NDUFV2: variants seen among roughly 807,000 people sequenced by gnomAD.
NDUFV2 encodes NADH:ubiquinone oxidoreductase core subunit V2.
NDUFV2 carries 18 observed loss-of-function variants against 31.6 expected under a neutral mutation model. The observed-to-expected ratio is 0.57, with a 90% CI of 0.39 to 0.84. The LOEUF (loss-of-function observed/expected upper bound fraction) is 0.84. Ranked by LOEUF, NDUFV2 falls within the 40% of genes least tolerant of loss-of-function variation. NDUFV2 has a pLI of 0.00. For synonymous variants in NDUFV2, 83 were observed against 99.8 expected, an observed-to-expected ratio of 0.83 and a Z score of 1.01; for missense variants, 314 against 303.6, an observed-to-expected ratio of 1.03 and a Z score of -0.26.
At chr18:9,126,711 G>A (rs138342784) in intron 6 of NDUFV2, 120 bp from the exon 7 acceptor site, 379 of 840,580 alleles carry the variant, frequency 4.5e-4, no homozygotes, top group African/African-American at 2.2e-3. Flanking sequence ...GAGGTAGGAG[G>A]ATTGCTTAAG....
intron 6 of NDUFV2, among the ~76,000 whole-genome samples, 193 bp downstream of exon 6, chr18:9,125,176 TTTAGA>T (rs1232303210): frequency 3.3e-5 from 5 of 152,316 alleles, no homozygotes; most frequent in East Asian, 1.9e-4. Context: ...ATTTTAAAAC[TTTAGA>T]TTATGAAAAA....
intron 7 of NDUFV2, among the ~76,000 whole-genome samples, chr18:9,130,860 A>C (rs1342605004): frequency 1.3e-5 from 2 of 152,244 alleles, no homozygotes; most frequent in African/African-American, 4.8e-5. Flanking sequence ...ACTGATGTCT[A>C]TATGTGGTTC....
intron 1 of NDUFV2, among the ~76,000 whole-genome samples, chr18:9,116,614 G>C (rs897816656): frequency 6.6e-6 from 1 of 152,160 alleles, no homozygotes; most frequent in South Asian, 2.1e-4. Context: ...TTGTACGTGT[G>C]TCTCACATCC....
chr18:9,104,232 TGTGTTC>T, intron 1 of NDUFV2: 1 of 1,612,616 alleles, frequency 6.2e-7, no homozygotes, highest in South Asian at 1.1e-5. Context: ...GGAGGTAAGG[TGTGTTC>T]CCAAATGAAA....
intron 7 of NDUFV2, among the ~76,000 whole-genome samples, chr18:9,131,523 C>T (rs1303365440): frequency 1.3e-5 from 2 of 152,150 alleles, no homozygotes; most frequent in Non-Finnish European, 2.9e-5. Flanking sequence ...TAGAGCTAGG[C>T]TACAGTTCCA....
At chr18:9,112,278 A>G (rs1306573598) in intron 1 of NDUFV2, 4 of 152,150 alleles carry the variant, frequency 2.6e-5, no homozygotes, top group African/African-American at 9.6e-5. Context: ...TGGCCTCCCA[A>G]AGTGCTGGGT....
Position 9,122,599 on chromosome 18 carries a change from GT to G in NDUFV2, c.388del (p.Tyr130IlefsTer29). On this transcript the variant is annotated frameshift_variant, in exon 5 of 8. Transcript: ENST00000318388. LOFTEE classifies it high-confidence loss of function. ...TMYNRKPVGKYHIQVCTTTPC... is the reference protein window; with the variant it reads ...TMYNRKPVGKXHIQVCTTTPC... ...TGTATAATCGAAAGCCAGTTGGAAA[GT>G]ATCACATTCAGGTCTGCACTACTAC... The G allele has an allele frequency of 6.2e-7, 1 of 1,614,054 alleles. No individual in the cohort carries two copies. The highest frequency in any genetic ancestry group is 8.5e-7 in the Non-Finnish European group (1 of 1,179,944).
At chr18:9,110,613 T>C in intron 1 of NDUFV2, among the ~76,000 whole-genome samples, 1 of 152,222 alleles carries the variant, frequency 6.6e-6, no homozygotes, top group East Asian at 1.9e-4. Context: ...GCGCAAGCGA[T>C]GCTCCCACCT....
At chr18:9,105,989 G>A (rs1016465178) in intron 1 of NDUFV2, among the ~76,000 whole-genome samples, 4 of 152,082 alleles carry the variant, frequency 2.6e-5, no homozygotes, top group African/African-American at 4.8e-5. Flanking sequence ...TGAATGATAC[G>A]TTGTAGAGGC....
chr18:9,125,091 G>A, intron 6 of NDUFV2, 108 bp downstream of exon 6: 1 of 1,190,054 alleles, frequency 8.4e-7, no homozygotes, highest in Non-Finnish European at 1.2e-6. Flanking sequence ...TACTCATTTA[G>A]AAGAAATGGT....
intron 1 of NDUFV2, among the ~76,000 whole-genome samples, chr18:9,108,431 G>C (rs980133287): frequency 1.3e-5 from 2 of 152,158 alleles, no homozygotes; most frequent in South Asian, 4.1e-4. Context: ...TTATTTAGCT[G>C]TGTGAGCTAG....
chr18:9,116,827 T>G (rs2077900582), intron 1 of NDUFV2, among the ~76,000 whole-genome samples: 1 of 152,214 alleles, frequency 6.6e-6, no homozygotes, highest in Non-Finnish European at 1.5e-5. Flanking sequence ...ACCCAGCCAG[T>G]GTTCTGCCGT....
chr18:9,124,819 C>A, intron 5 of NDUFV2, 55 bp from the exon 6 acceptor site: 5 of 1,448,758 alleles, frequency 3.5e-6, no homozygotes, highest in Admixed American at 2.1e-5. Context: ...TTTTTTTAAA[C>A]CAAATGACTA....
intron 1 of NDUFV2, among the ~76,000 whole-genome samples, chr18:9,110,535 G>T (rs940133905): frequency 1.3e-5 from 2 of 151,948 alleles, no homozygotes; most frequent in Non-Finnish European, 2.9e-5. Flanking sequence ...TTGAGACAGG[G>T]TCTCACTCTG....
intron 4 of NDUFV2, among the ~76,000 whole-genome samples, chr18:9,121,709 G>C (rs1320560200): frequency 1.3e-5 from 2 of 152,144 alleles, no homozygotes; most frequent in Non-Finnish European, 2.9e-5. Context: ...ACAAGGACCA[G>C]CCCTGGCAAA....
At chr18:9,114,774 C>T (rs561306479) in intron 1 of NDUFV2, among the ~76,000 whole-genome samples, 53 of 152,276 alleles carry the variant, frequency 3.5e-4, no homozygotes, top group African/African-American at 1.3e-3. Context: ...CTGTCTTCAA[C>T]GATTTGGACT....
intron 7 of NDUFV2, among the ~76,000 whole-genome samples, chr18:9,127,993 C>CTTTCAGTTATGAACTTGGAT (rs2078006696): frequency 6.6e-6 from 1 of 152,174 alleles, no homozygotes; most frequent in African/African-American, 2.4e-5. Context: ...AATTACTTTC[C>CTTTCAGTTATGAACTTGGAT]TTTCAGTTAT....
At chr18:9,127,642 T>C (rs940876447) in intron 7 of NDUFV2, among the ~76,000 whole-genome samples, 2 of 152,056 alleles carry the variant, frequency 1.3e-5, no homozygotes, top group Admixed American at 1.3e-4. Context: ...CGGCTAATTT[T>C]TTGTATTTTT....
chr18:9,133,231 T>C (rs1479409131), intron 7 of NDUFV2, among the ~76,000 whole-genome samples: 1 of 152,116 alleles, frequency 6.6e-6, no homozygotes, highest in Non-Finnish European at 1.5e-5. Flanking sequence ...CCAGAGGGGG[T>C]TGAAAAGATA....
Sources: allele counts gnomAD v4.1 joint callset (sites outside exome capture counted in the v4.1 genomes callset), GRCh38; gene constraint gnomAD v4.1.1; transcripts MANE v1.5; gene names NCBI Gene and HGNC (gene_info 2026-07-23, HGNC 2026-07-21).